Variants in VEGFC observed in about 807,000 individuals in gnomAD.
VEGFC encodes FLT4 ligand DHM.
In VEGFC, 12 loss-of-function variants were observed where a neutral mutation model predicts 46.1. The observed-to-expected ratio is 0.26, with a 90% confidence interval of 0.17 to 0.42. The LOEUF is 0.42. VEGFC is among the 10% of genes least tolerant of loss of function. The probability of loss-of-function intolerance (pLI) is 1.00; values close to 1 mark genes in which losing one functional copy is unlikely to be tolerated. For synonymous variants in VEGFC, 232 were observed against 195.5 expected, an observed-to-expected ratio of 1.19 and a Z score of -1.56; for missense variants, 488 against 529.4, an observed-to-expected ratio of 0.92 and a Z score of 0.77.
intron 1 of VEGFC, among the ~76,000 whole-genome samples, chr4:176,781,997 G>A (rs1489892547): frequency 6.6e-6 from 1 of 152,204 alleles, no homozygotes; most frequent in Non-Finnish European, 1.5e-5. Flanking sequence ...AACTACCGCA[G>A]TGCCAAGGTC....
At chr4:176,706,941 G>C (rs989658176) in intron 4 of VEGFC, among the ~76,000 whole-genome samples, 1 of 152,082 alleles carries the variant, frequency 6.6e-6, no homozygotes, top group African/African-American at 2.4e-5. Flanking sequence ...TCTCACTCTA[G>C]AGTACATTTG....
At chr4:176,697,874 C>T (rs1579091803) in intron 4 of VEGFC, among the ~76,000 whole-genome samples, 3 of 150,298 alleles carry the variant, frequency 2.0e-5, no homozygotes, top group African/African-American at 7.4e-5. Context: ...TCTCAGTAAA[C>T]TATCACAAGA....
At chr4:176,690,403 A>T (rs9654285) in intron 4 of VEGFC, among the ~76,000 whole-genome samples, 34,881 of 150,576 alleles carry the variant, frequency 0.23, 6,641 homozygotes, top group African/African-American at 0.53. Context: ...ATGTTTTTTC[A>T]CATTTTGTTA....
At chr4:176,749,303 T>C (rs1179857543) in intron 1 of VEGFC, among the ~76,000 whole-genome samples, 1 of 151,944 alleles carries the variant, frequency 6.6e-6, no homozygotes, top group African/African-American at 2.4e-5. Flanking sequence ...GAACCAACTA[T>C]TAAACTTCTT....
At position 176,740,688 on chromosome 4, in the gene VEGFC, C is replaced by T. The variant is rs543091608; in HGVS notation, c.148-10942G>A. Among the ~76,000 whole-genome samples the T allele has an allele frequency of 5.2e-4, 79 of 151,084 alleles. 1 individual carries two copies. The South Asian group carries it at 0.011, about 22-fold the overall frequency. On this transcript the variant is annotated intron_variant, in intron 1 of 6. Transcript: ENST00000618562. ...AAATAACTTATTTTAGATTTGCCATCGTCATTTATACTATTCAGAAGAAAA... is the reference window on the plus strand; with the variant it reads ...AAATAACTTATTTTAGATTTGCCATTGTCATTTATACTATTCAGAAGAAAA...
intron 3 of VEGFC, among the ~76,000 whole-genome samples, chr4:176,715,687 T>C (rs540174034): frequency 6.6e-6 from 1 of 152,254 alleles, no homozygotes; most frequent in Admixed American, 6.5e-5. Flanking sequence ...AATTTTTACA[T>C]AGCTATATTT....
At chr4:176,733,984 CT>C (rs1233169799) in intron 1 of VEGFC, among the ~76,000 whole-genome samples, 2 of 151,644 alleles carry the variant, frequency 1.3e-5, no homozygotes, top group African/African-American at 4.8e-5. Flanking sequence ...TATGAAATTT[CT>C]TTTTTGTTGT....
chr4:176,775,922 C>T (rs185198121), intron 1 of VEGFC, among the ~76,000 whole-genome samples: 3,064 of 148,272 alleles, frequency 0.021, 51 homozygotes, highest in Non-Finnish European at 0.03. Context: ...TATAGGCTTA[C>T]CAAAAAAAAA....
chr4:176,747,927 T>A lies in VEGFC; in HGVS notation c.148-18181A>T, dbSNP rs1017567252. On this transcript the variant is annotated intron_variant, in intron 1 of 6. Transcript: ENST00000618562. Reference sequence around the variant, plus strand: ...ACTTTGCTAATTACAAACTGAAAGTTCAGCCTAAGATTTTTAAAAATATTA... The same window carrying A: ...ACTTTGCTAATTACAAACTGAAAGTACAGCCTAAGATTTTTAAAAATATTA... 1.4e-4 allele frequency among the ~76,000 whole-genome samples: 22 copies of A among 152,106 alleles called. 1 individual carries two copies. Among genetic ancestry groups the A allele is most frequent in the African/African-American group, 4.8e-4 (20 of 41,556 alleles).
At chr4:176,688,979 C>T (rs6828869) in intron 4 of VEGFC, among the ~76,000 whole-genome samples, 1 of 151,998 alleles carries the variant, frequency 6.6e-6, no homozygotes, top group Non-Finnish European at 1.5e-5. Context: ...TAGAAAAATG[C>T]ATTATATCCT....
At chr4:176,691,675 A>G (rs1394367521) in intron 4 of VEGFC, among the ~76,000 whole-genome samples, 1 of 152,256 alleles carries the variant, frequency 6.6e-6, no homozygotes, top group East Asian at 1.9e-4. Context: ...TTAATGATAA[A>G]TAAAATCTTA....
At chr4:176,752,367 G>C (rs909604963) in intron 1 of VEGFC, among the ~76,000 whole-genome samples, 1 of 152,000 alleles carries the variant, frequency 6.6e-6, no homozygotes, top group African/African-American at 2.4e-5. Context: ...GCTCATATTG[G>C]CACTCCGAAT....
chr4:176,743,924 T>G (rs537329871), intron 1 of VEGFC, among the ~76,000 whole-genome samples: 58 of 151,962 alleles, frequency 3.8e-4, no homozygotes, highest in Non-Finnish European at 7.5e-4. Context: ...CCACACAAAT[T>G]TATCAATATT....
intron 1 of VEGFC, among the ~76,000 whole-genome samples, chr4:176,778,001 A>C (rs1210463797): frequency 6.6e-6 from 1 of 151,370 alleles, no homozygotes; most frequent in East Asian, 1.9e-4. Context: ...ATGTGCCTAA[A>C]TATATGGTTC....
chr4:176,696,326 C>G (rs1734312833), intron 4 of VEGFC, among the ~76,000 whole-genome samples: 1 of 151,944 alleles, frequency 6.6e-6, no homozygotes, highest in Admixed American at 6.6e-5. Context: ...CACAAGCACT[C>G]TTATACACCA....
At chr4:176,742,775 C>A (rs1735197652) in intron 1 of VEGFC, among the ~76,000 whole-genome samples, 1 of 151,918 alleles carries the variant, frequency 6.6e-6, no homozygotes, top group Admixed American at 6.6e-5. Flanking sequence ...AAAGTCAGAC[C>A]TAATCTTAAT....
At chr4:176,717,662 A>G (rs1734720016) in intron 3 of VEGFC, among the ~76,000 whole-genome samples, 1 of 152,108 alleles carries the variant, frequency 6.6e-6, no homozygotes, top group South Asian at 2.1e-4. Flanking sequence ...ATTATATCCT[A>G]AATATAACCA....
chr4:176,698,550 G>A (rs1227933251), intron 4 of VEGFC, among the ~76,000 whole-genome samples: 1 of 152,008 alleles, frequency 6.6e-6, no homozygotes, highest in Non-Finnish European at 1.5e-5. Flanking sequence ...CCAAAATCAA[G>A]CTAATTAACA....
intron 4 of VEGFC, among the ~76,000 whole-genome samples, chr4:176,692,426 C>CA (rs1328783467): frequency 2.6e-5 from 3 of 116,732 alleles, no homozygotes; most frequent in Admixed American, 8.7e-5. Context: ...AAAAAAAAAA[C>CA]AAAAAACGGC....
Sources: gnomAD v4.1 joint callset for allele counts (sites outside exome capture counted in the v4.1 genomes callset) on GRCh38, gnomAD v4.1.1 for gene constraint, MANE v1.5 for transcripts, NCBI Gene and HGNC (gene_info 2026-07-23, HGNC 2026-07-21) for gene names.